Variants in EDIL3 observed in about 807,000 individuals in gnomAD.
The protein encoded by EDIL3 is EGF like and discoidin domains 3.
EDIL3 carries 37 observed loss-of-function variants against 67.4 expected under a neutral mutation model. That is an observed-to-expected ratio of 0.55 (90% CI 0.42 to 0.72). EDIL3 has a LOEUF of 0.72. Among genes scored for constraint, EDIL3 ranks in the 30% least tolerant of loss-of-function variants. The pLI is 0.00. For synonymous variants in EDIL3, 195 were observed against 196.3 expected (o/e 0.99, Z 0.05); for missense variants, 527 against 586.3 (o/e 0.90, Z 1.04).
intron 10 of EDIL3, among the ~76,000 whole-genome samples, chr5:83,951,496 A>ATT (rs113890137): frequency 3.1e-4 from 46 of 150,032 alleles, no homozygotes; most frequent in African/African-American, 1.0e-3. Context: ...CTTCTGTTAG[A>ATT]TTTTTTTTTT....
intron 9 of EDIL3, among the ~76,000 whole-genome samples, chr5:83,977,816 A>G (rs1267089659): frequency 2.0e-5 from 3 of 151,910 alleles, no homozygotes; most frequent in South Asian, 2.1e-4. Flanking sequence ...CAACATTTTA[A>G]CCATTTCATT....
At chr5:84,312,712 C>T (rs182040238) in intron 1 of EDIL3, among the ~76,000 whole-genome samples, 111 of 152,302 alleles carry the variant, frequency 7.3e-4, no homozygotes, top group Middle Eastern at 3.4e-3. Context: ...ACCTCCCAGA[C>T]GGGGCGGCTA....
chr5:84,063,274 T>C (rs775258331), intron 8 of EDIL3, among the ~76,000 whole-genome samples: 26 of 152,128 alleles, frequency 1.7e-4, no homozygotes, highest in South Asian at 4.1e-4. Context: ...GATTGCTTTA[T>C]GATAAATGGC....
intron 4 of EDIL3, among the ~76,000 whole-genome samples, chr5:84,157,930 C>T (rs1004987544): frequency 4.6e-5 from 7 of 151,966 alleles, no homozygotes; most frequent in African/African-American, 9.7e-5. Flanking sequence ...GGGTGCCAAT[C>T]GAAGGAGATT....
chr5:84,163,143 C>G (rs1748643657), intron 4 of EDIL3, among the ~76,000 whole-genome samples: 1 of 152,044 alleles, frequency 6.6e-6, no homozygotes, highest in Non-Finnish European at 1.5e-5. Flanking sequence ...AAGAGTGACT[C>G]TACTTTTAGA....
At chr5:84,239,702 G>A (rs917107020) in intron 2 of EDIL3, among the ~76,000 whole-genome samples, 1 of 152,144 alleles carries the variant, frequency 6.6e-6, no homozygotes, top group African/African-American at 2.4e-5. Flanking sequence ...TAACTGGCAT[G>A]CAAACAATGT....
At chr5:84,323,165 G>A (rs1483770096) in intron 1 of EDIL3, among the ~76,000 whole-genome samples, 2 of 151,930 alleles carry the variant, frequency 1.3e-5, no homozygotes, top group African/African-American at 4.8e-5. Flanking sequence ...ACTTTGGTTT[G>A]TAACTCAGCA....
At chr5:84,076,022 A>G (rs1746850545) in intron 6 of EDIL3, among the ~76,000 whole-genome samples, 2 of 150,304 alleles carry the variant, frequency 1.3e-5, no homozygotes, top group Non-Finnish European at 1.5e-5. Context: ...ATATTAATTC[A>G]CCTAAAAATG....
chr5:84,174,426 A>T (rs934587820), intron 4 of EDIL3, among the ~76,000 whole-genome samples: 2 of 152,212 alleles, frequency 1.3e-5, no homozygotes, highest in African/African-American at 2.4e-5. Flanking sequence ...AACATTCATC[A>T]GTTCAAAGGG....
chr5:83,989,348 C>T (rs1051073313), intron 9 of EDIL3, among the ~76,000 whole-genome samples: 30 of 152,258 alleles, frequency 2.0e-4, no homozygotes, highest in African/African-American at 6.7e-4. Context: ...TACTTCTCTT[C>T]CCAATGTCCA....
chr5:84,350,359 T>C (rs186648529), intron 1 of EDIL3, among the ~76,000 whole-genome samples: 169 of 152,150 alleles, frequency 1.1e-3, no homozygotes, highest in African/African-American at 3.9e-3. Context: ...TTTTTTACTT[T>C]CTAGTGAGGT....
intron 4 of EDIL3, among the ~76,000 whole-genome samples, chr5:84,172,895 G>A (rs1292789131): frequency 6.6e-6 from 1 of 152,128 alleles, no homozygotes; most frequent in Non-Finnish European, 1.5e-5. Context: ...TGGCTCTCCT[G>A]TCCAGCCTAC....
intron 9 of EDIL3, among the ~76,000 whole-genome samples, chr5:84,028,719 A>T (rs909967582): frequency 2.6e-5 from 4 of 151,674 alleles, no homozygotes; most frequent in Non-Finnish European, 5.9e-5. Flanking sequence ...AGTCACACAC[A>T]TGTATATATT....
At chr5:84,231,190 G>C (rs1357114220) in intron 2 of EDIL3, among the ~76,000 whole-genome samples, 9 of 152,298 alleles carry the variant, frequency 5.9e-5, no homozygotes, top group African/African-American at 1.9e-4. Flanking sequence ...AGGTAGGAAG[G>C]TTTGAGAGCA....
intron 3 of EDIL3, among the ~76,000 whole-genome samples, chr5:84,226,716 T>A (rs1403323336): frequency 6.6e-6 from 1 of 151,986 alleles, no homozygotes; most frequent in Non-Finnish European, 1.5e-5. Context: ...TGTAGCTAAA[T>A]ATTCCTTAAG....
intron 4 of EDIL3, among the ~76,000 whole-genome samples, chr5:84,168,111 T>C (rs576496631): frequency 6.6e-6 from 1 of 152,294 alleles, no homozygotes; most frequent in African/African-American, 2.4e-5. Context: ...TAAATTAAAA[T>C]GTTGAGAGCA....
intron 9 of EDIL3, among the ~76,000 whole-genome samples, chr5:84,055,028 T>C (rs1391294486): frequency 6.8e-6 from 1 of 146,190 alleles, no homozygotes; most frequent in Non-Finnish European, 1.5e-5. Context: ...AGAACAAAGC[T>C]GGAGACATCA....
intron 3 of EDIL3, among the ~76,000 whole-genome samples, chr5:84,191,859 C>T (rs985184748): frequency 6.6e-6 from 1 of 151,958 alleles, no homozygotes. Flanking sequence ...AGTAAATACA[C>T]TGAAGTTTCT....
intron 9 of EDIL3, among the ~76,000 whole-genome samples, chr5:83,982,463 C>T (rs1744986700): frequency 6.6e-6 from 1 of 151,990 alleles, no homozygotes; most frequent in South Asian, 2.1e-4. Context: ...CCAGGCTTTC[C>T]TGAATACTCC....
Sources: gnomAD v4.1 joint callset for allele counts (sites outside exome capture counted in the v4.1 genomes callset) on GRCh38, gnomAD v4.1.1 for gene constraint, MANE v1.5 for transcripts, NCBI Gene and HGNC (gene_info 2026-07-23, HGNC 2026-07-21) for gene names.